GATA3: variants seen among roughly 807,000 people sequenced by gnomAD.
The protein encoded by GATA3 is trans-acting T-cell-specific transcription factor GATA-3.
Under a neutral mutation model 36.0 loss-of-function variants are expected in GATA3, and 6 were observed. The ratio of observed to expected loss-of-function variants is 0.17; its 90% CI spans 0.09 to 0.33. GATA3 has a LOEUF of 0.33. Among genes scored for constraint, GATA3 ranks in the 10% least tolerant of loss-of-function variants. The pLI is 1.00. For missense variants in GATA3, 514 were observed against 610.1 expected (o/e 0.84, Z 1.66); for synonymous variants, 326 against 273.0 (o/e 1.19, Z -1.92).
intron 4 of GATA3, among the ~76,000 whole-genome samples, chr10:8,065,261 T>C (rs559055362): frequency 7.1e-6 from 1 of 140,208 alleles, no homozygotes; most frequent in South Asian, 2.4e-4. Context: ...TCTTTTTTTT[T>C]TTTTTTTTTT....
upstream of GATA3, among the ~76,000 whole-genome samples, chr10:8,049,980 G>T (rs974103081): frequency 6.6e-6 from 1 of 152,192 alleles, no homozygotes; most frequent in South Asian, 2.1e-4. Flanking sequence ...GCCGCGAAAG[G>T]CGCGGCGGTC....
At chr10:8,062,766 G>C (rs2131498293) in intron 3 of GATA3, among the ~76,000 whole-genome samples, 1 of 152,216 alleles carries the variant, frequency 6.6e-6, no homozygotes, top group African/African-American at 2.4e-5. Flanking sequence ...CCCCTCTCTG[G>C]GGGACCAACT....
intron 2 of GATA3, among the ~76,000 whole-genome samples, chr10:8,056,182 G>C (rs1199802123): frequency 1.3e-5 from 2 of 152,114 alleles, no homozygotes; most frequent in Non-Finnish European, 2.9e-5. Context: ...GTCTCTGCGC[G>C]GCTGCAGGTT....
rs950672169 is a variant in GATA3, at chr10:8,064,230, A to T, written c.924+92A>T. 17 of 1,516,380 alleles carry T rather than the reference A, an allele frequency of 1.1e-5. No individual in the cohort carries two copies. The African/African-American group carries it at 2.1e-4, about 19-fold the overall frequency. 93.9% of individuals were successfully genotyped at this position (1,516,380 alleles called of 1,614,324 possible). A position where few individuals can be genotyped will look rare whatever the true frequency, so the allele number is the denominator to read the frequency against. On this transcript the variant is annotated intron_variant, in intron 4 of 5. Coordinates refer to ENST00000379328, the MANE Select transcript of GATA3 (RefSeq NM_001002295.2). ...AAGGACAGCTTTCTGCAGGAAATTG[A>T]CAGGATAGCCTCCAATCGTGTCAGC...
At chr10:8,049,866 C>G (rs1156929652), upstream of GATA3, among the ~76,000 whole-genome samples, 2 of 152,142 alleles carry the variant, frequency 1.3e-5, no homozygotes, top group Non-Finnish European at 2.9e-5. Context: ...AAATGGGGAC[C>G]CGGGGCTAAG....
chr10:8,049,145 G>GAAAA (rs1205664216), upstream of GATA3, among the ~76,000 whole-genome samples: 1 of 141,294 alleles, frequency 7.1e-6, no homozygotes. Context: ...GGAAGGAAAA[G>GAAAA]AAAAAAGGGT....
rs1288536160 is a variant in GATA3 at position 8,074,751 on chromosome 10, T to G, written c.*728T>G. On this transcript the variant is annotated 3_prime_UTR_variant, in exon 6 of 6. Coordinates refer to ENST00000379328, the MANE Select transcript of GATA3 (RefSeq NM_001002295.2). ...AAATAAGAAAAGATGTAGATTTATT[T>G]CATCATATTATACAGACCGAACTGT... 3.9e-5 allele frequency: 9 copies of G among 233,636 alleles called. No homozygotes were observed. The highest frequency in any genetic ancestry group is 6.8e-5 in the Non-Finnish European group (8 of 118,088). 14.5% of individuals were successfully genotyped at this position (233,636 alleles called of 1,614,324 possible).
At position 8,055,759 on chromosome 10, in the gene GATA3, A is replaced by G. The variant is rs1310091920; in HGVS notation, c.104A>G (p.Tyr35Cys). ...CACCACCCGGGCCTCAGCCACTCCT[A>G]CATGGACGCGGCGCAGTACCCGCTG... Reference protein sequence around the residue: ...DTHHPGLSHSYMDAAQYPLPE... With the variant: ...DTHHPGLSHSCMDAAQYPLPE... The change falls in exon 2 of 6, where the codon TAC becomes TGC. Residue 35 changes from tyrosine to cysteine, a missense_variant. Tyr to Cys is a radical substitution (Grantham distance 194). Around this residue, in one of 3 missense-constraint regions of GATA3, gnomAD observed 381 missense variants for 354.3 expected, o/e 1.08. Coordinates refer to ENST00000379328, the MANE Select transcript of GATA3 (RefSeq NM_001002295.2). This position sits in a 1 kb window ranked among gnomAD's most constrained non-coding sequence, Gnocchi z 5.4. 2 of 1,586,968 alleles carry G rather than the reference A, an allele frequency of 1.3e-6. No individual in the cohort carries two copies. The highest frequency in any genetic ancestry group is 1.2e-5 in the South Asian group (1 of 86,926).
At chr10:8,048,818 C>T (rs1042861840), upstream of GATA3, among the ~76,000 whole-genome samples, 1 of 152,236 alleles carries the variant, frequency 6.6e-6, no homozygotes, top group Non-Finnish European at 1.5e-5. Flanking sequence ...CTTCCTGTCT[C>T]CCCCTTTCCG....
chr10:8,050,272 T>C (rs1233348511), upstream of GATA3, among the ~76,000 whole-genome samples: 1 of 152,216 alleles, frequency 6.6e-6, no homozygotes, highest in Non-Finnish European at 1.5e-5. Context: ...ATGGCCTCTA[T>C]TAAAATGGAG....
At chr10:8,064,747 C>A (rs944756400) in intron 4 of GATA3, among the ~76,000 whole-genome samples, 1 of 152,218 alleles carries the variant, frequency 6.6e-6, no homozygotes, top group Non-Finnish European at 1.5e-5. Flanking sequence ...CATTTGAGAA[C>A]TTTCCACAGG....
intron 2 of GATA3, 99 bp from the exon 3 acceptor site, chr10:8,058,206 G>A: frequency 1.5e-6 from 2 of 1,351,348 alleles, no homozygotes; most frequent in Non-Finnish European, 2.1e-6. Context: ...CTGAAAAGGA[G>A]GCCGATGCGA....
chr10:8,071,797 C>G (rs939946291), intron 5 of GATA3, among the ~76,000 whole-genome samples: 3 of 152,146 alleles, frequency 2.0e-5, no homozygotes, highest in Non-Finnish European at 2.9e-5. Context: ...ATGCCATAAG[C>G]TCTTTCTTCT....
At chr10:8,072,983 A>G (rs1366730715) in intron 5 of GATA3, among the ~76,000 whole-genome samples, 6 of 152,016 alleles carry the variant, frequency 3.9e-5, no homozygotes, top group African/African-American at 1.4e-4. Context: ...CGTCTCTACT[A>G]AAAATACAAA....
At chr10:8,066,947 T>G (rs1418180154) in intron 4 of GATA3, among the ~76,000 whole-genome samples, 4 of 152,296 alleles carry the variant, frequency 2.6e-5, no homozygotes, top group Admixed American at 2.6e-4. Context: ...GTTGGCATTA[T>G]ATGCTTGTAC....
At chr10:8,072,935 G>A (rs941637118) in intron 5 of GATA3, among the ~76,000 whole-genome samples, 5 of 151,964 alleles carry the variant, frequency 3.3e-5, no homozygotes, top group Admixed American at 6.6e-5. Flanking sequence ...TCACAATGTC[G>A]GGAGTTCGAG....
chr10:8,070,369 A>C (rs1461129136), intron 5 of GATA3, among the ~76,000 whole-genome samples: 6 of 150,288 alleles, frequency 4.0e-5, no homozygotes, highest in African/African-American at 1.5e-4. Context: ...TAATCTTAAA[A>C]AATTTTTTTT....
At chr10:8,050,046 C>T (rs539145702), upstream of GATA3, among the ~76,000 whole-genome samples, 1 of 152,308 alleles carries the variant, frequency 6.6e-6, no homozygotes, top group South Asian at 2.1e-4. Flanking sequence ...TCAGGTCGCC[C>T]TCGCCCCGCT....
At chr10:8,047,922 C>T (rs403350) in intron 1 of GATA3, among the ~76,000 whole-genome samples, 110,077 of 150,672 alleles carry the variant, frequency 0.73, 40,452 homozygotes, top group East Asian at 0.95. Context: ...TTTTTTTTTT[C>T]ACCAGGTGGT....
Sources: allele counts gnomAD v4.1 joint callset (sites outside exome capture counted in the v4.1 genomes callset), GRCh38; gene constraint gnomAD v4.1.1; regional missense constraint gnomAD v4.1.1; non-coding constraint Gnocchi (gnomAD v3.1); transcripts MANE v1.5; gene names NCBI Gene and HGNC (gene_info 2026-07-23, HGNC 2026-07-21).